The following INPP5B variants were observed in gnomAD, a reference collection of about 807,000 sequenced individuals.
INPP5B encodes inositol polyphosphate-5-phosphatase B, also known as type II inositol 1,4,5-trisphosphate 5-phosphatase.
A neutral mutation model predicts 118.5 loss-of-function variants in INPP5B; 90 were observed. The ratio of observed to expected loss-of-function variants is 0.76; its 90% confidence interval spans 0.64 to 0.90. The LOEUF (loss-of-function observed/expected upper bound fraction) is 0.90, where lower values mean the gene tolerates loss of function less well. Ranked by LOEUF, INPP5B falls within the 40% of genes least tolerant of loss-of-function variation. INPP5B has a pLI of 0.00. For missense variants in INPP5B, 984 were observed against 1,125.6 expected (o/e 0.87, Z 1.80); for synonymous variants, 385 against 418.9 (o/e 0.92, Z 0.99).
chr1:37,887,508 G>T, intron 10 of INPP5B, 43 bp from the exon 11 acceptor site: 2 of 1,164,814 alleles, frequency 1.7e-6, no homozygotes, highest in Non-Finnish European at 2.6e-6. Context: ...GAAAAGTAAT[G>T]TGCAAATGAC....
At position 37,943,780 on chromosome 1, in the gene INPP5B, C is replaced by T. The variant is rs1462224737; in HGVS notation, c.250+16G>A. ...CCCATAGGAGAGGATTCATACCACC[C>T]AGCCCCCTGTGGCACCTTCTTCCAG... On this transcript the variant is annotated intron_variant, in intron 4 of 23. Coordinates refer to ENST00000373024, the MANE Select transcript of INPP5B (RefSeq NM_005540.3). 6.2e-6 allele frequency: 10 copies of T among 1,612,884 alleles called. No homozygotes were observed. Among genetic ancestry groups the T allele is most frequent in the Non-Finnish European group, 8.5e-6 (10 of 1,178,888 alleles).
chr1:37,936,022 C>T (rs1387437535), intron 6 of INPP5B, among the ~76,000 whole-genome samples: 3 of 151,960 alleles, frequency 2.0e-5, no homozygotes, highest in Non-Finnish European at 4.4e-5. Flanking sequence ...GCCGAGATCA[C>T]GCCACTGCAC....
At chr1:37,923,769 G>T (rs1416512587) in intron 7 of INPP5B, among the ~76,000 whole-genome samples, 1 of 129,482 alleles carries the variant, frequency 7.7e-6, no homozygotes, top group Non-Finnish European at 1.7e-5. Flanking sequence ...GAGGAAAGGA[G>T]TAAGTGCAGT....
At chr1:37,930,734 A>G (rs2148661098) in intron 7 of INPP5B, 1 of 152,372 alleles carries the variant, frequency 6.6e-6, no homozygotes, top group Non-Finnish European at 1.5e-5. Flanking sequence ...GTTTCCTCTC[A>G]GTTTACAAAC....
chr1:37,931,261 A>C, intron 7 of INPP5B: 1 of 409,692 alleles, frequency 2.4e-6, no homozygotes, highest in Non-Finnish European at 4.5e-6. Flanking sequence ...CACATACCAT[A>C]CCTCACCCAA....
At chr1:37,902,653 G>A (rs556876581) in intron 7 of INPP5B, among the ~76,000 whole-genome samples, 144 of 152,158 alleles carry the variant, frequency 9.5e-4, no homozygotes, top group African/African-American at 3.3e-3. Flanking sequence ...CACCTCCCGG[G>A]TTCAAACTAT....
intron 7 of INPP5B, chr1:37,929,653 G>A (rs1645372712): frequency 6.6e-6 from 1 of 152,084 alleles, no homozygotes; most frequent in African/African-American, 2.4e-5. Context: ...TGAGGGGCTT[G>A]ATACCATTTC....
intron 21 of INPP5B, 53 bp downstream of exon 21, chr1:37,866,406 T>TCTCTCTCACACACA: frequency 5.0e-6 from 2 of 402,470 alleles, no homozygotes; most frequent in South Asian, 3.9e-5. Context: ...TCTCTCTCTC[T>TCTCTCTCACACACA]CACACACACA....
At chr1:37,885,964 G>C (rs2148506980) in intron 12 of INPP5B, 139 bp from the exon 13 acceptor site, 1 of 675,432 alleles carries the variant, frequency 1.5e-6, no homozygotes, top group Admixed American at 2.6e-5. Context: ...TGGATCATGA[G>C]GTCAGGAGTT....
chr1:37,915,279 A>G (rs1202579179), intron 7 of INPP5B, among the ~76,000 whole-genome samples: 2 of 152,240 alleles, frequency 1.3e-5, no homozygotes, highest in Admixed American at 6.5e-5. Flanking sequence ...TTTTAGGAAG[A>G]TAACACATTA....
chr1:37,940,450 C>T (rs1645869441), intron 6 of INPP5B, among the ~76,000 whole-genome samples: 1 of 152,150 alleles, frequency 6.6e-6, no homozygotes, highest in African/African-American at 2.4e-5. Context: ...CAACCCTGCC[C>T]AGAGCCAGGA....
chr1:37,933,458 G>C (rs562626201), intron 6 of INPP5B, among the ~76,000 whole-genome samples: 147 of 152,292 alleles, frequency 9.7e-4, no homozygotes, highest in African/African-American at 3.5e-3. Context: ...TGAGGCAGGA[G>C]AATCCCTCTA....
rs1553159486 is a variant in INPP5B, at chr1:37,917,308, T to TTATATACATATATATATA, written c.532+14604_532+14605insTATATATATATGTATATA. On this transcript the variant is annotated intron_variant, in intron 7 of 23. Transcript: ENST00000373024. The stretch of plus-strand genomic sequence containing the variant: ...CGTCTCGGGGGAAAAAAAAAAATAA[T>TTATATACATATATATATA]TATATATATATATATATATATATAT... Among the ~76,000 whole-genome samples, 4 of 92,796 alleles carry TTATATACATATATATATA rather than the reference T, an allele frequency of 4.3e-5. No homozygotes were observed. The East Asian group carries it at 1.0e-3, about 24-fold the overall frequency. 60.9% of individuals were successfully genotyped at this position (92,796 alleles called of 152,430 possible). A position where few individuals can be genotyped will look rare whatever the true frequency, so the allele number is the denominator to read the frequency against.
chr1:37,941,974 T>TATATATATATATATAA (rs1390505203), intron 5 of INPP5B: 11 of 80,898 alleles, frequency 1.4e-4, no homozygotes, highest in African/African-American at 1.9e-4. Flanking sequence ...TATATATATA[T>TATATATATATATATAA]AAAATAAAAT....
chr1:37,918,324 C>T (rs1304138446), intron 7 of INPP5B, among the ~76,000 whole-genome samples: 5 of 152,214 alleles, frequency 3.3e-5, no homozygotes, highest in East Asian at 3.8e-4. Flanking sequence ...TGGCATCTGA[C>T]GCCCTTTGCA....
At chr1:37,889,458 G>A (rs1570115393) in intron 9 of INPP5B, 99 bp downstream of exon 9, 1 of 846,214 alleles carries the variant, frequency 1.2e-6, no homozygotes, top group Non-Finnish European at 1.9e-6. Context: ...TTCTATAGAA[G>A]AGTATGTCTC....
chr1:37,873,220 G>T, intron 18 of INPP5B, 55 bp from the exon 19 acceptor site: 2 of 1,276,966 alleles, frequency 1.6e-6, no homozygotes, highest in Non-Finnish European at 2.3e-6. Context: ...GAGGAAAGGG[G>T]AAAGAAGGCA....
chr1:37,892,623 A>G (rs150988711), intron 7 of INPP5B, among the ~76,000 whole-genome samples: 1 of 152,358 alleles, frequency 6.6e-6, no homozygotes, highest in East Asian at 1.9e-4. Flanking sequence ...TCAACCATGC[A>G]TTCACATGAA....
At chr1:37,921,227 C>T (rs995848201) in intron 7 of INPP5B, among the ~76,000 whole-genome samples, 1 of 152,138 alleles carries the variant, frequency 6.6e-6, no homozygotes, top group Non-Finnish European at 1.5e-5. Context: ...ATAATGATAA[C>T]AACAGTAGTA....
Sources: allele counts gnomAD v4.1 joint callset (sites outside exome capture counted in the v4.1 genomes callset), GRCh38; gene constraint gnomAD v4.1.1; transcripts MANE v1.5; gene names NCBI Gene and HGNC (gene_info 2026-07-23, HGNC 2026-07-21).